GABRG3: variants seen among roughly 807,000 people sequenced by gnomAD.
The protein encoded by GABRG3 is gamma-aminobutyric acid type A receptor subunit gamma3.
Under a neutral mutation model 48.8 loss-of-function variants are expected in GABRG3, and 25 were observed. The observed-to-expected ratio is 0.51, with a 90% CI of 0.37 to 0.72. The LOEUF is 0.72. Ranked by LOEUF, GABRG3 falls within the 30% of genes least tolerant of loss-of-function variation. The probability of loss-of-function intolerance (pLI) is 0.00; values close to 1 mark genes in which losing one functional copy is unlikely to be tolerated. For synonymous variants in GABRG3, 227 were observed against 217.6 expected (o/e 1.04, Z -0.38); for missense variants, 394 against 577.9 (o/e 0.68, Z 3.26).
chr15:27,146,222 A>G (rs990196490), intron 3 of GABRG3, among the ~76,000 whole-genome samples: 1 of 152,184 alleles, frequency 6.6e-6, no homozygotes, highest in East Asian at 1.9e-4. Flanking sequence ...TGGGAGGCCA[A>G]GGTGGATGGA....
At chr15:27,084,256 C>T (rs1033944198) in intron 3 of GABRG3, among the ~76,000 whole-genome samples, 3 of 152,212 alleles carry the variant, frequency 2.0e-5, no homozygotes, top group Non-Finnish European at 2.9e-5. Flanking sequence ...TGAAATCCTG[C>T]GGTTCTGTGT....
At chr15:27,113,985 G>GAT (rs1897599976) in intron 3 of GABRG3, among the ~76,000 whole-genome samples, 1 of 152,208 alleles carries the variant, frequency 6.6e-6, no homozygotes, top group South Asian at 2.1e-4. Flanking sequence ...AAAGGCAAGA[G>GAT]ATAAACATAT....
chr15:27,260,082 G>A (rs1890728726), intron 3 of GABRG3, among the ~76,000 whole-genome samples: 1 of 152,186 alleles, frequency 6.6e-6, no homozygotes, highest in Admixed American at 6.5e-5. Context: ...TCTATCATGT[G>A]TTGTCCTAGT....
chr15:27,498,591 G>A (rs1417049914), intron 6 of GABRG3, among the ~76,000 whole-genome samples: 2 of 151,976 alleles, frequency 1.3e-5, no homozygotes, highest in Non-Finnish European at 2.9e-5. Context: ...TGCCTCCCAG[G>A]TTCAAGCAAT....
intron 3 of GABRG3, among the ~76,000 whole-genome samples, chr15:27,283,528 C>T (rs771234185): frequency 1.2e-4 from 19 of 152,120 alleles, no homozygotes; most frequent in South Asian, 2.1e-4. Context: ...CACTTGAACC[C>T]GGGAGGCCGC....
chr15:27,210,965 C>G (rs929608836), intron 3 of GABRG3, among the ~76,000 whole-genome samples: 2 of 152,146 alleles, frequency 1.3e-5, no homozygotes, highest in African/African-American at 4.8e-5. Flanking sequence ...GACTATTTTA[C>G]TATTTTCCAG....
chr15:27,311,345 C>A (rs1355112450), intron 3 of GABRG3, among the ~76,000 whole-genome samples: 4 of 152,184 alleles, frequency 2.6e-5, no homozygotes, highest in African/African-American at 9.6e-5. Flanking sequence ...CCCCAGCTCC[C>A]AGATTTTCCT....
chr15:27,185,838 A>G (rs1389133036), intron 3 of GABRG3, among the ~76,000 whole-genome samples: 1 of 152,082 alleles, frequency 6.6e-6, no homozygotes, highest in Non-Finnish European at 1.5e-5. Flanking sequence ...TGAAATACTA[A>G]TATAGACACT....
chr15:27,528,207 G>A (rs998229932), intron 9 of GABRG3, among the ~76,000 whole-genome samples: 3 of 152,002 alleles, frequency 2.0e-5, no homozygotes, highest in Non-Finnish European at 4.4e-5. Context: ...TTCTACATGG[G>A]GATTAGTGTA....
At chr15:27,015,383 ATT>A (rs36045792) in intron 2 of GABRG3, among the ~76,000 whole-genome samples, 280 of 110,256 alleles carry the variant, frequency 2.5e-3, no homozygotes, top group African/African-American at 7.8e-3. Context: ...TTTGTGTTTG[ATT>A]TTTTTTTTTT....
In GABRG3 at chr15:26,971,524, C is replaced by T; in HGVS notation, c.-12C>T. The T allele has an allele frequency of 2.0e-6, 3 of 1,515,588 alleles. No homozygotes were observed. Among genetic ancestry groups the T allele is most frequent in the Non-Finnish European group, 2.7e-6 (3 of 1,131,996 alleles). 93.9% of individuals were successfully genotyped at this position (1,515,588 alleles called of 1,614,324 possible). ...GAGGCCCCGGACCCTGCGCCCCGAG[C>T]TCCACGGCACCATGGCCCCGAAGCT... On this transcript the variant is annotated 5_prime_UTR_variant, in exon 1 of 10. Transcript: ENST00000615808.
At chr15:27,463,909 A>C (rs1889525334) in intron 5 of GABRG3, among the ~76,000 whole-genome samples, 1 of 152,106 alleles carries the variant, frequency 6.6e-6, no homozygotes, top group Non-Finnish European at 1.5e-5. Context: ...AGGACCAGCA[A>C]ACCCACGTGC....
chr15:27,329,357 G>A (rs539571288), intron 5 of GABRG3, among the ~76,000 whole-genome samples: 231 of 152,218 alleles, frequency 1.5e-3, no homozygotes, highest in African/African-American at 5.3e-3. Context: ...TCTGCCTCCC[G>A]GGATTCAAGT....
intron 3 of GABRG3, among the ~76,000 whole-genome samples, chr15:27,168,498 C>G (rs949431352): frequency 7.9e-5 from 12 of 152,256 alleles, no homozygotes; most frequent in African/African-American, 1.4e-4. Context: ...GACACCCCCC[C>G]ACCCAAAAAC....
At chr15:27,068,614 G>T (rs1371005370) in intron 3 of GABRG3, among the ~76,000 whole-genome samples, 3 of 152,214 alleles carry the variant, frequency 2.0e-5, no homozygotes, top group Non-Finnish European at 4.4e-5. Context: ...TCACAAAACA[G>T]TCAATGAAGG....
chr15:27,026,887 G>T, intron 3 of GABRG3, 66 bp downstream of exon 3: 1 of 1,121,978 alleles, frequency 8.9e-7, no homozygotes, highest in South Asian at 1.7e-5. Flanking sequence ...TTCTCATTGT[G>T]GATTTCTGTT....
chr15:27,006,858 G>A (rs78712737), intron 2 of GABRG3, among the ~76,000 whole-genome samples: 8 of 127,522 alleles, frequency 6.3e-5, no homozygotes, highest in South Asian at 2.6e-4. Flanking sequence ...TCTTTTTTTT[G>A]AGACAGGGTG....
intron 5 of GABRG3, among the ~76,000 whole-genome samples, chr15:27,463,037 C>T (rs1889495613): frequency 6.6e-6 from 1 of 151,990 alleles, no homozygotes; most frequent in South Asian, 2.1e-4. Context: ...TTATTGTTTA[C>T]AGATGATATG....
intron 3 of GABRG3, among the ~76,000 whole-genome samples, chr15:27,167,219 G>A (rs1887405470): frequency 6.6e-6 from 1 of 152,166 alleles, no homozygotes; most frequent in African/African-American, 2.4e-5. Flanking sequence ...GGCCTCCTCT[G>A]TCATGGGCCC....
Sources: gnomAD v4.1 joint callset for allele counts (sites outside exome capture counted in the v4.1 genomes callset) on GRCh38, gnomAD v4.1.1 for gene constraint, MANE v1.5 for transcripts, NCBI Gene and HGNC (gene_info 2026-07-23, HGNC 2026-07-21) for gene names.